Variants in PPP1R13B observed in about 807,000 individuals in gnomAD.
PPP1R13B encodes the protein protein phosphatase 1 regulatory subunit 13B, also known as apoptosis-stimulating of p53 protein 1.
Under a neutral mutation model 119.8 loss-of-function variants are expected in PPP1R13B, and 44 were observed. The ratio of observed to expected loss-of-function variants is 0.37; its 90% CI spans 0.29 to 0.47. The LOEUF (loss-of-function observed/expected upper bound fraction) is 0.47, where lower values mean the gene tolerates loss of function less well. Ranked by LOEUF, PPP1R13B falls within the 20% of genes least tolerant of loss-of-function variation. PPP1R13B has a pLI of 0.99. For missense variants in PPP1R13B, 1,227 were observed against 1,413.5 expected, an observed-to-expected ratio of 0.87 and a Z score of 2.12; for synonymous variants, 542 against 561.5, an observed-to-expected ratio of 0.97 and a Z score of 0.49.
intron 8 of PPP1R13B, among the ~76,000 whole-genome samples, chr14:103,748,475 G>C (rs573585058): frequency 9.2e-5 from 14 of 152,332 alleles, no homozygotes; most frequent in Non-Finnish European, 8.8e-5. Flanking sequence ...CAGAGCAGTA[G>C]AGGCTAACAA....
intron 4 of PPP1R13B, chr14:103,759,290 T>G (rs1163073711): frequency 6.6e-6 from 1 of 151,638 alleles, no homozygotes; most frequent in Non-Finnish European, 1.5e-5. Context: ...ACCACCATTC[T>G]GTTTATCTAA....
At chr14:103,776,700 A>G (rs994868228) in intron 4 of PPP1R13B, among the ~76,000 whole-genome samples, 6 of 152,142 alleles carry the variant, frequency 3.9e-5, no homozygotes, top group Admixed American at 1.3e-4. Flanking sequence ...GTGAAACCCC[A>G]TCTCTATTAA....
intron 1 of PPP1R13B, among the ~76,000 whole-genome samples, chr14:103,800,230 C>A (rs776426926): frequency 6.6e-6 from 1 of 152,138 alleles, no homozygotes; most frequent in East Asian, 1.9e-4. Flanking sequence ...GTGGGAGGAT[C>A]ACTTGATCCC....
chr14:103,752,957 A>T, intron 7 of PPP1R13B, 43 bp downstream of exon 7: 1 of 1,582,388 alleles, frequency 6.3e-7, no homozygotes, highest in Non-Finnish European at 8.6e-7. Flanking sequence ...AGATAGAAAG[A>T]TGAGAATGTT....
At chr14:103,805,019 T>C (rs760017359) in intron 1 of PPP1R13B, among the ~76,000 whole-genome samples, 1 of 152,032 alleles carries the variant, frequency 6.6e-6, no homozygotes, top group Non-Finnish European at 1.5e-5. Context: ...TTATTTTCAG[T>C]AGAGATGGGG....
chr14:103,735,626 A>G (rs1370816164), intron 16 of PPP1R13B, among the ~76,000 whole-genome samples: 1 of 152,214 alleles, frequency 6.6e-6, no homozygotes, highest in East Asian at 1.9e-4. Context: ...CAGAGCTAGC[A>G]GCCTGCACGT....
At position 103,749,923 on chromosome 14, in the gene PPP1R13B, T is replaced by C. The variant is rs1595722080; in HGVS notation, c.840A>G (p.Gln280=). Reference sequence around the variant, plus strand: ...GTTTTGAATTTTGTTCCTGGTTAAGTTGGTTACGAATCTACAAACCACAAA... The same window carrying C: ...GTTTTGAATTTTGTTCCTGGTTAAGCTGGTTACGAATCTACAAACCACAAA... ...RLYQELQIRN[Q]LNQEQNSKLQ... is the part of the protein sequence containing the mutation. The change falls in exon 8 of 17, where the codon CAA becomes CAG. Residue 280 remains glutamine (Q), a synonymous_variant. Coordinates refer to ENST00000202556, the MANE Select transcript of PPP1R13B (RefSeq NM_015316.3). 3.7e-6 allele frequency: 6 copies of C among 1,613,620 alleles called. No homozygotes were observed. The highest frequency in any genetic ancestry group is 5.1e-6 in the Non-Finnish European group (6 of 1,179,940).
chr14:103,742,782 A>G lies in PPP1R13B; in HGVS notation c.1192T>C (p.Ser398Pro), dbSNP rs141431762. The G allele has an allele frequency of 2.5e-6, 4 of 1,614,014 alleles. No individual in the cohort carries two copies. Among genetic ancestry groups the G allele is most frequent in the African/African-American group, 1.3e-5 (1 of 74,924 alleles). ...GCCACCTGCACTGGTTTCACGGAAG[A>G]GCTAGAATTCTGTTTTAATGTTGGC... The part of the protein sequence containing the change: ...NWPTLKQNSS[S>P]SVKPVQVAGA... The change falls in exon 10 of 17, where the codon TCT becomes CCT. Residue 398 changes from serine (S) to proline (P), a missense_variant. Transcript: ENST00000202556. This position sits in a 1 kb window ranked among gnomAD's most constrained non-coding sequence, Gnocchi z 4.9.
chr14:103,806,937 T>C (rs1595800640), intron 1 of PPP1R13B, among the ~76,000 whole-genome samples: 1 of 152,164 alleles, frequency 6.6e-6, no homozygotes, highest in Non-Finnish European at 1.5e-5. Flanking sequence ...GTTTCCACTC[T>C]CACCCTTCAG....
chr14:103,770,720 A>G (rs956877294), intron 4 of PPP1R13B, among the ~76,000 whole-genome samples: 2 of 152,196 alleles, frequency 1.3e-5, no homozygotes, highest in African/African-American at 4.8e-5. Flanking sequence ...CATGGCTGAC[A>G]GGACACCCTG....
intron 3 of PPP1R13B, among the ~76,000 whole-genome samples, chr14:103,779,719 A>G (rs181390979): frequency 6.6e-6 from 1 of 152,290 alleles, no homozygotes; most frequent in Admixed American, 6.5e-5. Flanking sequence ...CCTAGGAGGT[A>G]GAGACTGCAG....
At chr14:103,765,412 T>A (rs376722631) in intron 4 of PPP1R13B, among the ~76,000 whole-genome samples, 2 of 152,278 alleles carry the variant, frequency 1.3e-5, no homozygotes, top group East Asian at 3.9e-4. Flanking sequence ...TGCCAAAACA[T>A]CCACTTCTGG....
chr14:103,847,314 G>A lies in PPP1R13B; in HGVS notation c.-7C>T, dbSNP rs1198941679. 4 of 1,249,710 alleles carry A rather than the reference G, an allele frequency of 3.2e-6. No homozygotes were observed. The highest frequency in any genetic ancestry group is 6.0e-5 in the Admixed American group (2 of 33,518). 77.4% of individuals were successfully genotyped at this position (1,249,710 alleles called of 1,614,324 possible). ...CCTCACCCACCGGCATCATCGCGGG[G>A]AGAGTCCGCGACGCCCTCGGCCGCC... On this transcript the variant is annotated 5_prime_UTR_variant, in exon 1 of 17. Transcript: ENST00000202556.
intron 4 of PPP1R13B, among the ~76,000 whole-genome samples, chr14:103,768,729 CA>C (rs2084995769): frequency 6.6e-6 from 1 of 152,010 alleles, no homozygotes; most frequent in Admixed American, 6.5e-5. Context: ...GCCACTGCAC[CA>C]GGCCTAATTT....
At chr14:103,800,803 CA>C (rs765967274) in intron 1 of PPP1R13B, among the ~76,000 whole-genome samples, 1 of 151,916 alleles carries the variant, frequency 6.6e-6, no homozygotes, top group South Asian at 2.1e-4. Flanking sequence ...GTTTCCTTGC[CA>C]CTAATCTCCC....
intron 5 of PPP1R13B, among the ~76,000 whole-genome samples, chr14:103,756,005 TAAAG>T (rs997920456): frequency 2.0e-5 from 3 of 152,198 alleles, no homozygotes; most frequent in African/African-American, 7.2e-5. Flanking sequence ...ATTTTAGTCA[TAAAG>T]AAAATCTCTC....
intron 1 of PPP1R13B, among the ~76,000 whole-genome samples, chr14:103,801,564 G>A (rs1186664760): frequency 2.6e-5 from 4 of 152,032 alleles, no homozygotes; most frequent in South Asian, 2.1e-4. Context: ...TACCGCCTCC[G>A]CTCACCAGGG....
In PPP1R13B at chr14:103,740,438, C is replaced by T. The variant is rs941925031; in HGVS notation, c.1978G>A (p.Gly660Ser). 1.2e-6 allele frequency: 2 copies of T among 1,605,450 alleles called. No homozygotes were observed. The highest frequency in any genetic ancestry group is 8.5e-7 in the Non-Finnish European group (1 of 1,174,976). Residue 660 changes from glycine (G) to serine (S), a missense_variant, in exon 12 of 17, where the codon GGC becomes AGC. Gly to Ser is a moderately conservative substitution (Grantham distance 56, BLOSUM62 0). Transcript: ENST00000202556. The surrounding 1 kb of genome is among the most constrained non-coding windows in gnomAD (Gnocchi z 4.6). ...CGTGGCAGGCTCTCCACGGTGCTGC[C>T]ATCTGCGGGGGCGGCGGGGCCATCC... ...EQDGPAAPAD[G>S]STVESLPRPL...
chr14:103,847,755 T>C (rs1167873400), upstream of PPP1R13B: 2 of 491,810 alleles, frequency 4.1e-6, no homozygotes, highest in Non-Finnish European at 5.3e-6. Flanking sequence ...TGCGTGCGCG[T>C]CCGCGCTCCC....
Sources: allele counts gnomAD v4.1 joint callset (sites outside exome capture counted in the v4.1 genomes callset), GRCh38; gene constraint gnomAD v4.1.1; non-coding constraint Gnocchi (gnomAD v3.1); transcripts MANE v1.5; gene names NCBI Gene and HGNC (gene_info 2026-07-23, HGNC 2026-07-21).